NLRC3: variants seen among roughly 807,000 people sequenced by gnomAD.
The protein encoded by NLRC3 is NLR family CARD domain-containing protein 3.
In NLRC3, 87 loss-of-function variants were observed where a neutral mutation model predicts 91.6. The observed-to-expected ratio is 0.95, with a 90% confidence interval of 0.80 to 1.14. NLRC3 has a LOEUF of 1.14. Among genes scored for constraint, NLRC3 ranks in the 50% most tolerant of loss-of-function variants. The pLI is 0.00. For synonymous variants in NLRC3, 694 were observed against 625.3 expected (o/e 1.11, Z -1.64); for missense variants, 1,577 against 1,418.6 (o/e 1.11, Z -1.79).
chr16:3,554,518 C>T (rs2039194150), intron 8 of NLRC3, among the ~76,000 whole-genome samples, 193 bp from the exon 9 acceptor site: 1 of 152,214 alleles, frequency 6.6e-6, no homozygotes, highest in African/African-American at 2.4e-5. Flanking sequence ...CTTTGAGTTG[C>T]TAAGCATTTG....
chr16:3,550,594 G>T, intron 10 of NLRC3, 97 bp from the exon 11 acceptor site: 3 of 858,378 alleles, frequency 3.5e-6, no homozygotes, highest in Non-Finnish European at 5.9e-6. Context: ...TGGGAGGGCT[G>T]GCTCTGTTGT....
At position 3,539,997 on chromosome 16, in the gene NLRC3, C is replaced by G. The variant is rs2038334681; in HGVS notation, c.*1828G>C. The G allele has an allele frequency of 6.6e-6, 1 of 152,160 alleles. No individual in the cohort carries two copies. Among genetic ancestry groups the G allele is most frequent in the African/African-American group, 2.4e-5 (1 of 41,432 alleles). 9.4% of individuals were successfully genotyped at this position (152,160 alleles called of 1,614,324 possible). On this transcript the variant is annotated 3_prime_UTR_variant, in exon 20 of 20. Transcript: ENST00000359128. ...TTGTTCTTTCATGATTAGAATCAGG[C>G]AAACATTTTTTGACAAGAATACATC...
Position 3,549,784 on chromosome 16 carries a change from C to T in NLRC3, c.2436-4G>A, listed in dbSNP as rs761582988. On this transcript the variant is annotated splice_polypyrimidine_tract_variant and splice_region_variant and intron_variant, in intron 11 of 19. Transcript: ENST00000359128. The stretch of plus-strand genomic sequence containing the variant: ...ACTGATGGAATTGCTCTGCAGGCTG[C>T]GGAAAGAGGAGGCGCCCTGGGTGTG... 47 of 1,549,262 alleles carry T rather than the reference C, an allele frequency of 3.0e-5. No individual in the cohort carries two copies. The highest frequency in any genetic ancestry group is 3.0e-4 in the South Asian group (25 of 84,002).
intron 1 of NLRC3, among the ~76,000 whole-genome samples, chr16:3,571,459 C>T (rs1402986934): frequency 1.3e-5 from 2 of 149,554 alleles, no homozygotes; most frequent in Admixed American, 6.7e-5. Context: ...TAGGAGGACC[C>T]CTTGAGCTCA....
At chr16:3,551,631 T>TCACTCAACCATCCATCCATC (rs2039010450) in intron 10 of NLRC3, among the ~76,000 whole-genome samples, 1 of 134,860 alleles carries the variant, frequency 7.4e-6, no homozygotes, top group Non-Finnish European at 1.6e-5. Context: ...ATCCATCCAT[T>TCACTCAACCATCCATCCATC]CATTCAACCA....
intron 17 of NLRC3, 87 bp from the exon 18 acceptor site, chr16:3,542,862 G>A: frequency 1.2e-6 from 1 of 854,494 alleles, no homozygotes; most frequent in South Asian, 1.5e-5. Flanking sequence ...GGGCTGCTTG[G>A]TAGAGGAAAC....
At position 3,548,663 on chromosome 16, in the gene NLRC3, G is replaced by C. The variant is rs762794009; in HGVS notation, c.2687+7C>G. 1.9e-6 allele frequency: 3 copies of C among 1,565,762 alleles called. No individual in the cohort carries two copies. The highest frequency in any genetic ancestry group is 2.3e-5 in the South Asian group (2 of 85,506). On this transcript the variant is annotated splice_region_variant and intron_variant, in intron 14 of 19. Transcript: ENST00000359128. ...GAACAGAGCAGGGTGGAGAGCTGCA[G>C]ACTCACTGAAGGGAGGTGAGGGTGC...
Position 3,552,258 on chromosome 16 carries a change from C to T in NLRC3, c.2289G>A (p.Gly763=), listed in dbSNP as rs760631020. 1.9e-6 allele frequency: 3 copies of T among 1,613,364 alleles called. No individual in the cohort carries two copies. Among genetic ancestry groups the T allele is most frequent in the Non-Finnish European group, 1.7e-6 (2 of 1,179,352 alleles). ...SMLHLQKNSI[G]PMGAQRMADA... Reference sequence around the variant, plus strand: ...CTGCCATCCGCTGGGCTCCCATGGGCCCGATGCTGTTCTTCTGCAGGCTGT... The same window carrying T: ...CTGCCATCCGCTGGGCTCCCATGGGTCCGATGCTGTTCTTCTGCAGGCTGT... Residue 763 remains glycine, a synonymous_variant, in exon 10 of 20, where the codon GGG becomes GGA. Transcript: ENST00000359128.
At chr16:3,542,967 C>T (rs368550176) in intron 17 of NLRC3, 192 bp from the exon 18 acceptor site, 2 of 576,796 alleles carry the variant, frequency 3.5e-6, no homozygotes, top group African/African-American at 3.7e-5. Flanking sequence ...CACACAGGGG[C>T]ATGGCTGGCC....
At chr16:3,549,581 C>G in intron 12 of NLRC3, 116 bp downstream of exon 12, 1 of 818,340 alleles carries the variant, frequency 1.2e-6, no homozygotes, top group South Asian at 1.6e-5. Flanking sequence ...GCCAGGCTGC[C>G]AGGAAGGCTT....
intron 5 of NLRC3, 142 bp from the exon 6 acceptor site, chr16:3,561,930 G>T: frequency 4.7e-6 from 3 of 634,480 alleles, no homozygotes; most frequent in Non-Finnish European, 8.5e-6. Context: ...CCAGTGCTCA[G>T]ACCTTTCCCG....
chr16:3,556,902 GACAC>G lies in NLRC3; in HGVS notation c.2183+5_2183+8del, dbSNP rs761476627. On this transcript the variant is annotated splice_donor_5th_base_variant and intron_variant, in intron 8 of 19. Transcript: ENST00000359128. ...TGGGGTCACAACACAGGGAGCAGGT[GACAC>G]ACACCTCAGGGAGGTCAGGGTGCGG... is the stretch of plus-strand genomic sequence containing the variant. 1 of 1,603,462 alleles carries G rather than the reference GACAC, an allele frequency of 6.2e-7. No homozygotes were observed. The highest frequency in any genetic ancestry group is 8.5e-7 in the Non-Finnish European group (1 of 1,171,134).
intron 1 of NLRC3, among the ~76,000 whole-genome samples, chr16:3,569,788 G>C (rs747057138): frequency 3.3e-5 from 5 of 152,104 alleles, no homozygotes; most frequent in Non-Finnish European, 5.9e-5. Context: ...AGGCCTTCTT[G>C]TTTTACTCTA....
rs1435621247 is a variant in NLRC3, at chr16:3,541,712, C to T, written c.*113G>A. ...CTTCCTCCCTGCAGAGCCCGGCTCT[C>T]GTGCTGAGCAAGCAGCGTTCCCAGC... On this transcript the variant is annotated 3_prime_UTR_variant, in exon 20 of 20. Coordinates refer to ENST00000359128, the MANE Select transcript of NLRC3 (RefSeq NM_178844.4). The T allele has an allele frequency of 1.5e-5, 11 of 712,650 alleles. No homozygotes were observed. The highest frequency in any genetic ancestry group is 1.1e-4 in the East Asian group (4 of 37,112). 44.1% of individuals were successfully genotyped at this position (712,650 alleles called of 1,614,324 possible).
intron 1 of NLRC3, among the ~76,000 whole-genome samples, chr16:3,574,610 A>ACC (rs759743538): frequency 6.6e-6 from 1 of 152,126 alleles, no homozygotes. Flanking sequence ...CTGATCAGAC[A>ACC]CCCATCTTTG....
intron 8 of NLRC3, among the ~76,000 whole-genome samples, chr16:3,556,701 C>T (rs2039353252): frequency 6.6e-6 from 1 of 152,200 alleles, no homozygotes; most frequent in Non-Finnish European, 1.5e-5. Context: ...TGCCATTTCG[C>T]CATGTTGGCC....
In NLRC3 at chr16:3,561,876, C is replaced by G. The variant is rs914421794; in HGVS notation, c.1929-88G>C. The G allele has an allele frequency of 9.1e-6, 8 of 875,476 alleles. No homozygotes were observed. In the African/African-American group the frequency reaches 1.3e-4, roughly 14 times the overall value. The allele number at this position is 875,476 out of a possible 1,614,324, so 54.2% of individuals were successfully genotyped here. ...GCCCGGGGCCTCTGCCTCTCTCCAT[C>G]CCATGCAGCGCTATCACCGCAGCTC... On this transcript the variant is annotated intron_variant, in intron 5 of 19. Coordinates refer to ENST00000359128, the MANE Select transcript of NLRC3 (RefSeq NM_178844.4).
intron 8 of NLRC3, among the ~76,000 whole-genome samples, chr16:3,555,598 C>T (rs2039267013): frequency 6.6e-6 from 1 of 152,108 alleles, no homozygotes; most frequent in Non-Finnish European, 1.5e-5. Flanking sequence ...TAGACAGAGT[C>T]TCGCTCTGTC....
intron 1 of NLRC3, among the ~76,000 whole-genome samples, chr16:3,569,645 G>A (rs553619309): frequency 4.0e-5 from 6 of 151,578 alleles, no homozygotes; most frequent in African/African-American, 1.2e-4. Flanking sequence ...TGATCCACCC[G>A]TTTTGGCCTC....
Sources: gnomAD v4.1 joint callset for allele counts (sites outside exome capture counted in the v4.1 genomes callset) on GRCh38, gnomAD v4.1.1 for gene constraint, MANE v1.5 for transcripts, NCBI Gene and HGNC (gene_info 2026-07-23, HGNC 2026-07-21) for gene names.